Variants in SPRR2B observed in about 807,000 individuals in gnomAD.
SPRR2B encodes small proline-rich protein 2B.
A neutral mutation model predicts 1.0 loss-of-function variants in SPRR2B; 1 was observed. The ratio of observed to expected loss-of-function variants is 1.01; its 90% CI spans 0.36 to 4.77. SPRR2B has a LOEUF of 4.77. Ranked by LOEUF, SPRR2B falls within the 30% of genes most tolerant of loss-of-function variation. The probability of loss-of-function intolerance (pLI) is 0.16; values close to 1 mark genes in which losing one functional copy is unlikely to be tolerated. For missense variants in SPRR2B, 53 were observed against 88.7 expected (o/e 0.60, Z 1.62); for synonymous variants, 27 against 33.4 (o/e 0.81, Z 0.66).
chr1:153,082,028 C>T, the SPRR2B span, among the ~76,000 whole-genome samples: 1 of 151,946 alleles, frequency 6.6e-6, no homozygotes, highest in Non-Finnish European at 1.5e-5. Flanking sequence ...TGTCATTTCG[C>T]CATGTTGGGC....
chr1:153,078,275 C>CTT, the SPRR2B span, among the ~76,000 whole-genome samples: 2 of 152,154 alleles, frequency 1.3e-5, no homozygotes, highest in Admixed American at 1.3e-4. Flanking sequence ...GGTGGCTACA[C>CTT]TAACATCAGA....
At chr1:153,071,391 CT>C (rs1481156696) in intron 1 of SPRR2B, among the ~76,000 whole-genome samples, 177 bp downstream of exon 1, 1 of 151,512 alleles carries the variant, frequency 6.6e-6, no homozygotes, top group Non-Finnish European at 1.5e-5. Context: ...GAACATATAA[CT>C]GTATATATTT....
At chr1:153,071,730 C>A (rs1289538008), upstream of SPRR2B, among the ~76,000 whole-genome samples, 1 of 152,312 alleles carries the variant, frequency 6.6e-6, no homozygotes, top group East Asian at 1.9e-4. Flanking sequence ...TTATCCATAA[C>A]TGGCATGACA....
the SPRR2B span, among the ~76,000 whole-genome samples, chr1:153,080,602 T>C: frequency 6.6e-6 from 1 of 152,064 alleles, no homozygotes; most frequent in Non-Finnish European, 1.5e-5. Context: ...AAACACAAAA[T>C]TGTGAAAAAA....
chr1:153,084,265 C>A, the SPRR2B span, among the ~76,000 whole-genome samples: 1 of 152,116 alleles, frequency 6.6e-6, no homozygotes, highest in Admixed American at 6.5e-5. Context: ...TTTCCTCTCC[C>A]CACCAGTACA....
In SPRR2B at chr1:153,070,398, C is replaced by T. The variant is rs1021155272; in HGVS notation, c.*223G>A. ...CTGAAGCTCTGGGAACTGACAAAGC[C>T]AAGGTTCCTTTGCTCAGTCTCCACC... On this transcript the variant is annotated 3_prime_UTR_variant, in exon 2 of 2. Transcript: ENST00000368755. 5.5e-5 allele frequency: 47 copies of T among 847,908 alleles called. No individual in the cohort carries two copies. Among genetic ancestry groups the T allele is most frequent in the Non-Finnish European group, 5.6e-5 (32 of 568,380 alleles). The allele number at this position is 847,908 out of a possible 1,614,324, so 52.5% of individuals were successfully genotyped here. A position where few individuals can be genotyped will look rare whatever the true frequency, so the allele number is the denominator to read the frequency against.
At chr1:153,082,104 T>C in the SPRR2B span, among the ~76,000 whole-genome samples, 1 of 152,150 alleles carries the variant, frequency 6.6e-6, no homozygotes, top group Non-Finnish European at 1.5e-5. Context: ...AAATTAGATT[T>C]CTATAACTTT....
the SPRR2B span, among the ~76,000 whole-genome samples, chr1:153,077,624 CT>C: frequency 1.9e-4 from 27 of 142,194 alleles, no homozygotes; most frequent in East Asian, 4.1e-4. Context: ...TTTTTCTTTT[CT>C]TTTTTTTTTT....
At chr1:153,080,622 G>A in the SPRR2B span, among the ~76,000 whole-genome samples, 1 of 152,260 alleles carries the variant, frequency 6.6e-6, no homozygotes, top group South Asian at 2.1e-4. Context: ...AATTTGTACA[G>A]TAAAGGCTGT....
upstream of SPRR2B, among the ~76,000 whole-genome samples, chr1:153,074,264 G>C (rs1337241259): frequency 6.6e-6 from 1 of 151,528 alleles, no homozygotes; most frequent in Admixed American, 6.6e-5. Context: ...TTTTAATTTT[G>C]TGTAATATTT....
At position 153,070,888 on chromosome 1, in the gene SPRR2B, G is replaced by A. The variant is rs569028356; in HGVS notation, c.-19-30C>T. 16 of 1,226,702 alleles carry A rather than the reference G, an allele frequency of 1.3e-5. 6 individuals are homozygous for A. Among genetic ancestry groups the A allele is most frequent in the Admixed American group, 1.9e-5 (1 of 52,148 alleles). 76.0% of individuals were successfully genotyped at this position (1,226,702 alleles called of 1,614,324 possible). A position where few individuals can be genotyped will look rare whatever the true frequency, so the allele number is the denominator to read the frequency against. ...AAGAAATGATACAACAGTGTTCGTG[G>A]GAAGGGAATCCTCCAGAGAGAGAAG... On this transcript the variant is annotated intron_variant, in intron 1 of 1. Coordinates refer to ENST00000368755, the MANE Select transcript of SPRR2B (RefSeq NM_001388198.1).
chr1:153,074,608 A>G (rs531183929), upstream of SPRR2B, among the ~76,000 whole-genome samples: 36 of 152,360 alleles, frequency 2.4e-4, no homozygotes, highest in Admixed American at 4.6e-4. Flanking sequence ...TACTAAAAAC[A>G]TATAAAGCAT....
the SPRR2B span, among the ~76,000 whole-genome samples, chr1:153,084,668 C>T: frequency 6.6e-6 from 1 of 152,110 alleles, no homozygotes. Context: ...GAACCCTGCC[C>T]CCAGCCCAAT....
chr1:153,087,015 A>C, the SPRR2B span, among the ~76,000 whole-genome samples: 4 of 152,160 alleles, frequency 2.6e-5, no homozygotes, highest in Non-Finnish European at 5.9e-5. Flanking sequence ...AAAAATCAAG[A>C]AGTTCTTAAG....
At chr1:153,081,250 G>A in the SPRR2B span, among the ~76,000 whole-genome samples, 87 of 152,208 alleles carry the variant, frequency 5.7e-4, no homozygotes, top group African/African-American at 1.7e-3. Flanking sequence ...GACACCCAGC[G>A]TGACACAAAT....
chr1:153,072,030 G>T (rs1273808435), upstream of SPRR2B, among the ~76,000 whole-genome samples: 1 of 152,086 alleles, frequency 6.6e-6, no homozygotes, highest in Non-Finnish European at 1.5e-5. Context: ...CCTGAGTTCT[G>T]GCCACAGATT....
chr1:153,083,979 G>T, the SPRR2B span, among the ~76,000 whole-genome samples: 1 of 152,126 alleles, frequency 6.6e-6, no homozygotes, highest in African/African-American at 2.4e-5. Context: ...TTTCAGATGG[G>T]GCCAGTCTGA....
chr1:153,074,060 G>A (rs192714957), upstream of SPRR2B, among the ~76,000 whole-genome samples: 109 of 152,082 alleles, frequency 7.2e-4, no homozygotes, highest in African/African-American at 2.5e-3. Context: ...ATTACCACAA[G>A]GCTCCTCTGC....
At chr1:153,084,181 C>T in the SPRR2B span, among the ~76,000 whole-genome samples, 1 of 152,300 alleles carries the variant, frequency 6.6e-6, no homozygotes, top group African/African-American at 2.4e-5. Flanking sequence ...GCTCCACAAA[C>T]TACAGCTTCC....
Sources: gnomAD v4.1 joint callset for allele counts (sites outside exome capture counted in the v4.1 genomes callset) on GRCh38, gnomAD v4.1.1 for gene constraint, MANE v1.5 for transcripts, NCBI Gene and HGNC (gene_info 2026-07-23, HGNC 2026-07-21) for gene names.